Variants in PLEKHH1 observed in about 807,000 individuals in gnomAD.
PLEKHH1 encodes pleckstrin homology, MyTH4 and FERM domain containing H1.
A neutral mutation model predicts 160.0 loss-of-function variants in PLEKHH1; 104 were observed. The observed-to-expected ratio is 0.65, with a 90% confidence interval of 0.55 to 0.76. The LOEUF is 0.76. Ranked by LOEUF, PLEKHH1 falls within the 30% of genes least tolerant of loss-of-function variation. PLEKHH1 has a pLI of 0.00. For synonymous variants in PLEKHH1, 619 were observed against 678.4 expected (o/e 0.91, Z 1.36); for missense variants, 1,427 against 1,724.1 (o/e 0.83, Z 3.05).
At chr14:67,548,265 G>A (rs2034257769) in intron 2 of PLEKHH1, among the ~76,000 whole-genome samples, 1 of 152,136 alleles carries the variant, frequency 6.6e-6, no homozygotes, top group Non-Finnish European at 1.5e-5. Flanking sequence ...AGAAAAGTGG[G>A]AGCATAGTAT....
chr14:67,557,179 GCATCAGACGGTGTCC>G, intron 3 of PLEKHH1, 75 bp from the exon 4 acceptor site: 1 of 1,028,238 alleles, frequency 9.7e-7, no homozygotes, highest in Non-Finnish European at 1.5e-6. Context: ...ACAGCCTGGG[GCATCAGACGGTGTCC>G]CATCCCACGT....
In PLEKHH1 at chr14:67,571,944, G is replaced by A. The variant is rs768559970; in HGVS notation, c.1585+42G>A. 7.0e-6 allele frequency: 11 copies of A among 1,566,580 alleles called. No individual in the cohort carries two copies. The South Asian group carries it at 1.0e-4, about 15-fold the overall frequency. ...CAGGGGCAGGGTGCAGCAGCAAGGA[G>A]CCCCTCACCTCTTCCCATGGGCACT... On this transcript the variant is annotated intron_variant, in intron 10 of 28. Transcript: ENST00000329153.
intron 1 of PLEKHH1, among the ~76,000 whole-genome samples, chr14:67,537,829 C>A (rs2033800682): frequency 6.6e-6 from 1 of 152,198 alleles, no homozygotes; most frequent in Non-Finnish European, 1.5e-5. Context: ...CCATCCTACT[C>A]CCAGCCCCTG....
rs766339593 is a variant in PLEKHH1, at chr14:67,572,178, C to T, written c.1629C>T (p.Ile543=). The change falls in exon 11 of 29, where the codon ATC becomes ATT. Residue 543 remains isoleucine, a synonymous_variant. Coordinates refer to ENST00000329153, the MANE Select transcript of PLEKHH1 (RefSeq NM_020715.3). ...TGAGCTCCGAGGGTGACTACGCCATCCCCCCGGACGCCTGCTCACTGGACA... is the reference window on the plus strand; with the variant it reads ...TGAGCTCCGAGGGTGACTACGCCATTCCCCCGGACGCCTGCTCACTGGACA... The part of the protein sequence containing the change: ...SSLSSEGDYA[I]PPDACSLDSD... 6 of 1,606,902 alleles carry T rather than the reference C, an allele frequency of 3.7e-6. No individual in the cohort carries two copies. Among genetic ancestry groups the T allele is most frequent in the Admixed American group, 3.4e-5 (2 of 59,288 alleles).
intron 15 of PLEKHH1, 67 bp downstream of exon 15, chr14:67,575,539 TGTCCTGATGA>T: frequency 1.0e-6 from 1 of 967,346 alleles, no homozygotes; most frequent in Admixed American, 2.0e-5. Context: ...TGCCACTCTA[TGTCCTGATGA>T]AAGTCCCTAC....
At chr14:67,584,904 G>T (rs536655905) in intron 26 of PLEKHH1, among the ~76,000 whole-genome samples, 1 of 152,168 alleles carries the variant, frequency 6.6e-6, no homozygotes, top group African/African-American at 2.4e-5. Flanking sequence ...ATATAACAGG[G>T]ACCCACTTGG....
At chr14:67,565,959 A>AGT (rs2035068395) in intron 7 of PLEKHH1, among the ~76,000 whole-genome samples, 1 of 152,142 alleles carries the variant, frequency 6.6e-6, no homozygotes, top group Non-Finnish European at 1.5e-5. Context: ...ATCTCTACTA[A>AGT]AAATACAAAA....
At chr14:67,551,118 A>G (rs2034375276) in intron 2 of PLEKHH1, among the ~76,000 whole-genome samples, 1 of 152,244 alleles carries the variant, frequency 6.6e-6, no homozygotes. Flanking sequence ...TGAGTCTTAT[A>G]GGACACTCTT....
intron 2 of PLEKHH1, among the ~76,000 whole-genome samples, chr14:67,546,331 G>T (rs1004547460): frequency 1.3e-5 from 2 of 152,152 alleles, no homozygotes; most frequent in African/African-American, 4.8e-5. Context: ...TGGATATATG[G>T]TTTTTTGGGA....
chr14:67,551,144 C>T (rs1226676396), intron 2 of PLEKHH1, among the ~76,000 whole-genome samples: 1 of 152,176 alleles, frequency 6.6e-6, no homozygotes, highest in Non-Finnish European at 1.5e-5. Context: ...TAATAGTGGG[C>T]AACCTCTGGC....
intron 5 of PLEKHH1, 35 bp from the exon 6 acceptor site, chr14:67,561,918 TG>T: frequency 7.1e-7 from 1 of 1,400,998 alleles, no homozygotes; most frequent in Non-Finnish European, 1.0e-6. Flanking sequence ...ACCTGTAGGC[TG>T]GGTGTCCTAA....
At position 67,574,218 on chromosome 14, in the gene PLEKHH1, A is replaced by T. The variant is rs1594781522; in HGVS notation, c.1927-24A>T. 6.4e-7 allele frequency: 1 copy of T among 1,562,150 alleles called. No homozygotes were observed. The highest frequency in any genetic ancestry group is 1.4e-5 in the African/African-American group (1 of 73,408). On this transcript the variant is annotated intron_variant, in intron 13 of 28. Transcript: ENST00000329153. This position sits in a 1 kb window ranked among gnomAD's most constrained non-coding sequence, Gnocchi z 4.2. ...CTCCATTCTCCCAGCGTGCTGCCCCACCCCCATATCTCGCCCTCCACAGCT... is the reference window on the plus strand; with the variant it reads ...CTCCATTCTCCCAGCGTGCTGCCCCTCCCCCATATCTCGCCCTCCACAGCT...
chr14:67,542,000 C>A lies in PLEKHH1; in HGVS notation c.126+7C>A. 6.3e-7 allele frequency: 1 copy of A among 1,599,038 alleles called. No homozygotes were observed. Among genetic ancestry groups the A allele is most frequent in the South Asian group, 1.1e-5 (1 of 88,190 alleles). On this transcript the variant is annotated splice_region_variant and intron_variant, in intron 2 of 28. Coordinates refer to ENST00000329153, the MANE Select transcript of PLEKHH1 (RefSeq NM_020715.3). Reference sequence around the variant, plus strand: ...GGAGCTGCTGGCTGACAAGGTGAGTCCCTCAGAGCAGGGAGCTGCCTCTCC... The same window carrying A: ...GGAGCTGCTGGCTGACAAGGTGAGTACCTCAGAGCAGGGAGCTGCCTCTCC...
chr14:67,563,232 C>A (rs2034925263), intron 7 of PLEKHH1, among the ~76,000 whole-genome samples: 1 of 152,186 alleles, frequency 6.6e-6, no homozygotes, highest in Non-Finnish European at 1.5e-5. Flanking sequence ...AGAAGCAAAC[C>A]ACTAGGGTTG....
At position 67,587,815 on chromosome 14, in the gene PLEKHH1, T is replaced by G. The variant is rs865953119; in HGVS notation, c.*580T>G. ...TGCCCACTTTGGCCTCCCAAAGTGCTGGGATTACAGGCATGAGCCATCGCC... is the reference window on the plus strand; with the variant it reads ...TGCCCACTTTGGCCTCCCAAAGTGCGGGGATTACAGGCATGAGCCATCGCC... On this transcript the variant is annotated 3_prime_UTR_variant, in exon 29 of 29. Transcript: ENST00000329153. The G allele has an allele frequency of 3.2e-5, 5 of 157,618 alleles. No homozygotes were observed. Among genetic ancestry groups the G allele is most frequent in the African/African-American group, 1.2e-4 (5 of 41,484 alleles). The allele number at this position is 157,618 out of a possible 1,614,324, so 9.8% of individuals were successfully genotyped here.
At chr14:67,556,810 G>A (rs559016704) in intron 3 of PLEKHH1, among the ~76,000 whole-genome samples, 1 of 152,302 alleles carries the variant, frequency 6.6e-6, no homozygotes, top group East Asian at 1.9e-4. Flanking sequence ...CCATTGGTTG[G>A]ATCAATGACA....
intron 14 of PLEKHH1, among the ~76,000 whole-genome samples, chr14:67,575,012 G>T (rs188303377): frequency 6.6e-6 from 1 of 152,298 alleles, no homozygotes; most frequent in Admixed American, 6.5e-5. Context: ...TGCAGCTTCT[G>T]TTCCTTCATG....
chr14:67,538,543 G>A (rs760264624), intron 1 of PLEKHH1, among the ~76,000 whole-genome samples: 1 of 152,206 alleles, frequency 6.6e-6, no homozygotes, highest in Non-Finnish European at 1.5e-5. Context: ...CTTAGCAGGT[G>A]AGGCTCAGCT....
At chr14:67,585,455 G>C in intron 26 of PLEKHH1, 113 bp from the exon 27 acceptor site, 1 of 690,222 alleles carries the variant, frequency 1.4e-6, no homozygotes, top group Non-Finnish European at 2.5e-6. Context: ...AGATGAGGTG[G>C]CTGGAAATCA....
Sources: gnomAD v4.1 joint callset for allele counts (sites outside exome capture counted in the v4.1 genomes callset) on GRCh38, gnomAD v4.1.1 for gene constraint, Gnocchi (gnomAD v3.1) non-coding constraint, MANE v1.5 for transcripts, NCBI Gene and HGNC (gene_info 2026-07-23, HGNC 2026-07-21) for gene names.